ZFAND3: variants seen among roughly 807,000 people sequenced by gnomAD.
ZFAND3 encodes the protein AN1-type zinc finger protein 3.
Under a neutral mutation model 29.6 loss-of-function variants are expected in ZFAND3, and 10 were observed. That is an observed-to-expected ratio of 0.34 (90% confidence interval 0.21 to 0.57). The LOEUF is 0.57. Ranked by LOEUF, ZFAND3 falls within the 20% of genes least tolerant of loss-of-function variation. ZFAND3 has a pLI of 0.86. For missense variants in ZFAND3, 230 were observed against 304.5 expected (o/e 0.76, Z 1.82); for synonymous variants, 128 against 112.6 (o/e 1.14, Z -0.87).
intron 2 of ZFAND3, among the ~76,000 whole-genome samples, chr6:37,970,378 CAA>C (rs1450879697): frequency 1.3e-5 from 2 of 152,088 alleles, no homozygotes; most frequent in East Asian, 3.9e-4. Flanking sequence ...TTAAAAGTCA[CAA>C]AAGATTTTGC....
At chr6:38,003,835 T>TACA (rs1454504006) in intron 2 of ZFAND3, 4 of 450,660 alleles carry the variant, frequency 8.9e-6, no homozygotes, top group African/African-American at 8.1e-5. Context: ...GCTATTTGTA[T>TACA]ATCTTTTTCC....
At chr6:38,096,033 CA>C (rs1266234318) in intron 4 of ZFAND3, among the ~76,000 whole-genome samples, 5 of 146,900 alleles carry the variant, frequency 3.4e-5, no homozygotes, top group Non-Finnish European at 4.5e-5. Flanking sequence ...GATGCTGTTT[CA>C]AAAAAAAAAG....
chr6:37,940,318 G>A (rs1300126249), intron 2 of ZFAND3, among the ~76,000 whole-genome samples: 2 of 152,064 alleles, frequency 1.3e-5, no homozygotes, highest in Admixed American at 1.3e-4. Flanking sequence ...ATTATGATGA[G>A]GTTGCTTTTT....
intron 1 of ZFAND3, among the ~76,000 whole-genome samples, chr6:37,868,392 G>C (rs569216499): frequency 1.3e-5 from 2 of 152,280 alleles, no homozygotes; most frequent in Admixed American, 1.3e-4. Context: ...GAACAAGATG[G>C]AGCTTTGGCA....
intron 1 of ZFAND3, among the ~76,000 whole-genome samples, chr6:37,869,938 G>T (rs1399984560): frequency 6.6e-6 from 1 of 151,508 alleles, no homozygotes; most frequent in African/African-American, 2.4e-5. Context: ...GGTTTAATTT[G>T]GTCTTTTTCT....
intron 4 of ZFAND3, among the ~76,000 whole-genome samples, chr6:38,088,928 C>G (rs1025747290): frequency 6.6e-6 from 1 of 152,160 alleles, no homozygotes; most frequent in East Asian, 1.9e-4. Context: ...AAAGTGTCAT[C>G]TTTTTACCCT....
intron 1 of ZFAND3, among the ~76,000 whole-genome samples, chr6:37,862,843 T>G (rs1764518746): frequency 6.6e-6 from 1 of 150,478 alleles, no homozygotes. Flanking sequence ...AAAATTTTGC[T>G]GGGAAAAAAA....
intron 3 of ZFAND3, among the ~76,000 whole-genome samples, chr6:38,064,892 TAA>T (rs1764312197): frequency 6.6e-6 from 1 of 152,112 alleles, no homozygotes; most frequent in Non-Finnish European, 1.5e-5. Context: ...GGTGATGACT[TAA>T]GTTTGTATTG....
chr6:37,891,156 C>G (rs571273919), intron 1 of ZFAND3, among the ~76,000 whole-genome samples: 2 of 152,302 alleles, frequency 1.3e-5, no homozygotes, highest in East Asian at 3.9e-4. Context: ...TAAATGGAAT[C>G]ATACAATACG....
chr6:37,973,553 T>C (rs1581803660), intron 2 of ZFAND3, among the ~76,000 whole-genome samples: 1 of 152,234 alleles, frequency 6.6e-6, no homozygotes, highest in Non-Finnish European at 1.5e-5. Flanking sequence ...GTGTGGCTAG[T>C]GTGACTTAGG....
At chr6:37,885,198 G>A (rs978591236) in intron 1 of ZFAND3, among the ~76,000 whole-genome samples, 15 of 152,094 alleles carry the variant, frequency 9.9e-5, no homozygotes, top group African/African-American at 3.4e-4. Flanking sequence ...TGGGAAAAAA[G>A]GGGTGGGTAA....
intron 1 of ZFAND3, among the ~76,000 whole-genome samples, chr6:37,896,666 TTGTGTGTGTGTGTGTC>T (rs1364460673): frequency 7.2e-5 from 10 of 138,964 alleles, no homozygotes; most frequent in African/African-American, 1.5e-4. Flanking sequence ...GCCTTCTGTT[TTGTGTGTGTGTGTGTC>T]TGTGTGTGTG....
chr6:37,887,549 T>A (rs1046234996), intron 1 of ZFAND3, among the ~76,000 whole-genome samples: 2 of 152,232 alleles, frequency 1.3e-5, no homozygotes, highest in Non-Finnish European at 2.9e-5. Flanking sequence ...TTGTATTCCC[T>A]GATGGGAAGA....
At chr6:37,994,247 A>G (rs1762810820) in intron 2 of ZFAND3, among the ~76,000 whole-genome samples, 1 of 152,158 alleles carries the variant, frequency 6.6e-6, no homozygotes, top group South Asian at 2.1e-4. Context: ...ATAGGACAGC[A>G]GCTTATTTCG....
chr6:37,834,796 A>G (rs935897778), intron 1 of ZFAND3, among the ~76,000 whole-genome samples: 1 of 149,326 alleles, frequency 6.7e-6, no homozygotes, highest in Non-Finnish European at 1.5e-5. Context: ...TGCATATATA[A>G]TGATATATGC....
chr6:37,994,202 G>A (rs1762810469), intron 2 of ZFAND3, among the ~76,000 whole-genome samples: 1 of 152,072 alleles, frequency 6.6e-6, no homozygotes, highest in Non-Finnish European at 1.5e-5. Context: ...TGAAGATGAT[G>A]GAGTCACTGT....
At position 38,153,290 on chromosome 6, in the gene ZFAND3, C is replaced by A. The variant is rs1766273810; in HGVS notation, c.*901C>A. 1.0e-6 allele frequency: 1 copy of A among 985,486 alleles called. No homozygotes were observed. 61.0% of individuals were successfully genotyped at this position (985,486 alleles called of 1,614,324 possible). On this transcript the variant is annotated 3_prime_UTR_variant, in exon 6 of 6. Transcript: ENST00000287218. ...AGTTTTTTAAAAAGACATTTCATAGCCAACAAGAATCAGTAGAAGTGCTGG... is the reference window on the plus strand; with the variant it reads ...AGTTTTTTAAAAAGACATTTCATAGACAACAAGAATCAGTAGAAGTGCTGG...
chr6:37,949,368 C>T (rs962023773), intron 2 of ZFAND3, among the ~76,000 whole-genome samples: 2 of 152,110 alleles, frequency 1.3e-5, no homozygotes, highest in African/African-American at 4.8e-5. Context: ...TCTACTCTCA[C>T]ACCACAGCAG....
chr6:38,153,074 C>G lies in ZFAND3; in HGVS notation c.*685C>G, dbSNP rs1766267993. On this transcript the variant is annotated 3_prime_UTR_variant, in exon 6 of 6. Coordinates refer to ENST00000287218, the MANE Select transcript of ZFAND3 (RefSeq NM_021943.3). Reference sequence around the variant, plus strand: ...AAATTAGCTCCACTCAAGACTAGTCCACGAACGAGACCCGCCTTTTCTACA... The same window carrying G: ...AAATTAGCTCCACTCAAGACTAGTCGACGAACGAGACCCGCCTTTTCTACA... The G allele has an allele frequency of 2.0e-6, 2 of 985,436 alleles. No homozygotes were observed. The highest frequency in any genetic ancestry group is 9.4e-5 in the South Asian group (2 of 21,274). The allele number at this position is 985,436 out of a possible 1,614,324, so 61.0% of individuals were successfully genotyped here. A position where few individuals can be genotyped will look rare whatever the true frequency, so the allele number is the denominator to read the frequency against.
Sources: allele counts gnomAD v4.1 joint callset (sites outside exome capture counted in the v4.1 genomes callset), GRCh38; gene constraint gnomAD v4.1.1; transcripts MANE v1.5; gene names NCBI Gene and HGNC (gene_info 2026-07-23, HGNC 2026-07-21).